Variants in ARHGAP42 observed in about 807,000 individuals in gnomAD.
The protein encoded by ARHGAP42 is rho GTPase-activating protein 42.
ARHGAP42 carries 63 observed loss-of-function variants against 125.0 expected under a neutral mutation model. That is an observed-to-expected ratio of 0.50 (90% CI 0.41 to 0.62). The LOEUF (loss-of-function observed/expected upper bound fraction) is 0.62, where lower values mean the gene tolerates loss of function less well. Among genes scored for constraint, ARHGAP42 ranks in the 20% least tolerant of loss-of-function variants. The probability of loss-of-function intolerance (pLI) is 0.00; values close to 1 mark genes in which losing one functional copy is unlikely to be tolerated. For missense variants in ARHGAP42, 766 were observed against 1,024.2 expected, an observed-to-expected ratio of 0.75 and a Z score of 3.44; for synonymous variants, 339 against 351.0, an observed-to-expected ratio of 0.97 and a Z score of 0.38.
intron 1 of ARHGAP42, among the ~76,000 whole-genome samples, chr11:100,746,744 T>C (rs920067890): frequency 2.0e-5 from 3 of 152,216 alleles, no homozygotes; most frequent in African/African-American, 7.2e-5. Flanking sequence ...CAGTGACCTC[T>C]GCTCCTAAAC....
chr11:100,992,364 A>C lies in ARHGAP42; in HGVS notation c.*3563A>C. On this transcript the variant is annotated 3_prime_UTR_variant, in exon 24 of 24. Transcript: ENST00000298815. ...AATCACATCTCCTGGTCAGGTCACG[A>C]AAAAGAACACAGGCTTGACTATTGT... The C allele has an allele frequency of 6.2e-7, 1 of 1,613,810 alleles. No individual in the cohort carries two copies.
At chr11:100,863,085 AAC>A (rs1865485290) in intron 4 of ARHGAP42, among the ~76,000 whole-genome samples, 1 of 150,946 alleles carries the variant, frequency 6.6e-6, no homozygotes, top group Non-Finnish European at 1.5e-5. Flanking sequence ...CACACACAAC[AAC>A]AAAAAAAAGG....
intron 4 of ARHGAP42, among the ~76,000 whole-genome samples, chr11:100,900,930 T>C (rs1357629068): frequency 6.6e-6 from 1 of 152,204 alleles, no homozygotes; most frequent in African/African-American, 2.4e-5. Context: ...TTTGTTCCAT[T>C]GCTGACGAGG....
chr11:100,836,035 G>A (rs1457730509), intron 3 of ARHGAP42, among the ~76,000 whole-genome samples: 1 of 152,022 alleles, frequency 6.6e-6, no homozygotes, highest in Non-Finnish European at 1.5e-5. Context: ...GACAAAAATA[G>A]CAGGTAAGTT....
intron 1 of ARHGAP42, among the ~76,000 whole-genome samples, chr11:100,721,563 C>G (rs1429384072): frequency 6.6e-6 from 1 of 151,798 alleles, no homozygotes; most frequent in East Asian, 1.9e-4. Context: ...ACCTCTGCCT[C>G]CCGGGTTCAA....
chr11:100,901,726 C>T (rs1056114119), intron 4 of ARHGAP42, among the ~76,000 whole-genome samples: 11 of 152,214 alleles, frequency 7.2e-5, no homozygotes, highest in African/African-American at 2.4e-4. Flanking sequence ...GAGCCAGGCA[C>T]GGGAGAGAAT....
At chr11:100,825,540 C>T (rs1298660026) in intron 3 of ARHGAP42, among the ~76,000 whole-genome samples, 6 of 152,108 alleles carry the variant, frequency 3.9e-5, no homozygotes, top group Admixed American at 1.3e-4. Context: ...TTAATTTGTA[C>T]GTGAAGAATA....
At chr11:100,979,935 T>C (rs1448651887) in intron 22 of ARHGAP42, among the ~76,000 whole-genome samples, 1 of 152,200 alleles carries the variant, frequency 6.6e-6, no homozygotes. Flanking sequence ...ACCAAATAAT[T>C]TTTATCAACC....
chr11:100,855,337 C>G (rs923866589), intron 3 of ARHGAP42, among the ~76,000 whole-genome samples: 25 of 152,182 alleles, frequency 1.6e-4, no homozygotes, highest in African/African-American at 5.8e-4. Flanking sequence ...TGAGCTGTGA[C>G]TGGCACCAAC....
chr11:100,808,794 G>C (rs902799714), intron 3 of ARHGAP42, among the ~76,000 whole-genome samples: 25 of 152,242 alleles, frequency 1.6e-4, no homozygotes, highest in African/African-American at 5.8e-4. Context: ...TAAAATTATA[G>C]TAAATAGTTC....
At chr11:100,867,264 T>A (rs890923891) in intron 4 of ARHGAP42, among the ~76,000 whole-genome samples, 3 of 152,226 alleles carry the variant, frequency 2.0e-5, no homozygotes, top group Non-Finnish European at 4.4e-5. Context: ...AAACATTGAC[T>A]TCTCTTCTCT....
intron 14 of ARHGAP42, 74 bp from the exon 15 acceptor site, chr11:100,961,610 G>T (rs1857957479): frequency 1.5e-6 from 2 of 1,292,208 alleles, no homozygotes; most frequent in African/African-American, 3.0e-5. Flanking sequence ...ACTTACGTTT[G>T]TGCCCATTTT....
rs1565210615 is a variant in ARHGAP42 at position 100,779,530 on chromosome 11, G to GTATACATACGTA, written c.250+9096_250+9097insCATACGTATATA. On this transcript the variant is annotated intron_variant, in intron 2 of 23. Coordinates refer to ENST00000298815, the MANE Select transcript of ARHGAP42 (RefSeq NM_152432.4). Reference sequence around the variant, plus strand: ...CACGTATATATATACGTATACATGCGTATATATACGTATATATATACATAT... The same window carrying GTATACATACGTA: ...CACGTATATATATACGTATACATGCGTATACATACGTATATATATACGTATATATATACATAT... Among the ~76,000 whole-genome samples, 32 of 114,804 alleles carry GTATACATACGTA rather than the reference G, an allele frequency of 2.8e-4. 1 individual carries two copies. The highest frequency in any genetic ancestry group is 3.9e-4 in the Non-Finnish European group (21 of 54,446). The allele number at this position is 114,804 out of a possible 152,430, so 75.3% of individuals were successfully genotyped here. A position where few individuals can be genotyped will look rare whatever the true frequency, so the allele number is the denominator to read the frequency against.
At chr11:100,985,637 C>T (rs528260305) in intron 22 of ARHGAP42, among the ~76,000 whole-genome samples, 1 of 152,302 alleles carries the variant, frequency 6.6e-6, no homozygotes, top group South Asian at 2.1e-4. Flanking sequence ...TTCCTCAGTT[C>T]TTCCTTAGAC....
chr11:100,730,908 A>G (rs987168425), intron 1 of ARHGAP42, among the ~76,000 whole-genome samples: 8 of 152,312 alleles, frequency 5.3e-5, no homozygotes, highest in Admixed American at 5.2e-4. Context: ...TTGTGTATCT[A>G]AATATAGAAA....
intron 1 of ARHGAP42, among the ~76,000 whole-genome samples, chr11:100,713,903 A>C (rs1861605964): frequency 6.6e-6 from 1 of 152,096 alleles, no homozygotes; most frequent in East Asian, 1.9e-4. Flanking sequence ...TCTAATGTGG[A>C]TTGAATTTTA....
chr11:100,800,150 G>T (rs1406051104), intron 3 of ARHGAP42, among the ~76,000 whole-genome samples: 1 of 152,186 alleles, frequency 6.6e-6, no homozygotes, highest in African/African-American at 2.4e-5. Flanking sequence ...AAGCACAGTT[G>T]GGGGATCAGA....
At chr11:100,980,762 G>A (rs1441538645) in intron 22 of ARHGAP42, among the ~76,000 whole-genome samples, 1 of 136,914 alleles carries the variant, frequency 7.3e-6, no homozygotes, top group East Asian at 3.8e-4. Context: ...GTAGAGACAG[G>A]GTTTCACCAG....
chr11:100,770,168 G>A (rs914529052), intron 1 of ARHGAP42, among the ~76,000 whole-genome samples, 175 bp from the exon 2 acceptor site: 1 of 152,002 alleles, frequency 6.6e-6, no homozygotes, highest in African/African-American at 2.4e-5. Context: ...TTAAATTTTG[G>A]TTAAATTAGT....
Sources: allele counts gnomAD v4.1 joint callset (sites outside exome capture counted in the v4.1 genomes callset), GRCh38; gene constraint gnomAD v4.1.1; transcripts MANE v1.5; gene names NCBI Gene and HGNC (gene_info 2026-07-23, HGNC 2026-07-21).